TLN2: variants seen among roughly 807,000 people sequenced by gnomAD.
TLN2 encodes the protein talin-2.
In TLN2, 118 loss-of-function variants were observed where a neutral mutation model predicts 294.7. The observed-to-expected ratio is 0.40, with a 90% CI of 0.34 to 0.47. The LOEUF (loss-of-function observed/expected upper bound fraction) is 0.47. Ranked by LOEUF, TLN2 falls within the 20% of genes least tolerant of loss-of-function variation. The pLI, the probability that TLN2 is intolerant of heterozygous loss-of-function variation, is 0.84. For missense variants in TLN2, 3,083 were observed against 3,282.2 expected (o/e 0.94, Z 1.48); for synonymous variants, 1,431 against 1,304.5 (o/e 1.10, Z -2.09).
At chr15:62,601,279 C>A (rs111925167) in intron 2 of TLN2, among the ~76,000 whole-genome samples, 70 of 152,242 alleles carry the variant, frequency 4.6e-4, no homozygotes, top group African/African-American at 1.6e-3. Flanking sequence ...CATGGGATAC[C>A]CCCACAACAA....
intron 28 of TLN2, among the ~76,000 whole-genome samples, chr15:62,736,245 G>T (rs1595833597): frequency 6.6e-6 from 1 of 151,930 alleles, no homozygotes; most frequent in Non-Finnish European, 1.5e-5. Flanking sequence ...GCGTGAACCT[G>T]GGAGGCAGAG....
At chr15:62,471,575 C>G (rs998627428) in intron 1 of TLN2, among the ~76,000 whole-genome samples, 1 of 152,188 alleles carries the variant, frequency 6.6e-6, no homozygotes, top group African/African-American at 2.4e-5. Flanking sequence ...TCATACTGCT[C>G]TAGGATTTTC....
intron 1 of TLN2, among the ~76,000 whole-genome samples, chr15:62,560,605 C>T (rs1202541427): frequency 3.9e-5 from 6 of 152,214 alleles, no homozygotes; most frequent in Non-Finnish European, 8.8e-5. Flanking sequence ...GGATTACAGG[C>T]GTGAGCCATC....
chr15:62,504,105 C>CT (rs1312395098), intron 1 of TLN2, among the ~76,000 whole-genome samples: 2 of 152,220 alleles, frequency 1.3e-5, no homozygotes, highest in Non-Finnish European at 2.9e-5. Context: ...TTTCCAGCAA[C>CT]TCCTCCCTTC....
At chr15:62,639,284 T>C (rs2050733707) in intron 3 of TLN2, among the ~76,000 whole-genome samples, 1 of 152,138 alleles carries the variant, frequency 6.6e-6, no homozygotes, top group African/African-American at 2.4e-5. Context: ...TCTATCTTAT[T>C]GCTGCTATAT....
chr15:62,731,163 T>C (rs1266242937), intron 28 of TLN2, among the ~76,000 whole-genome samples: 4 of 152,228 alleles, frequency 2.6e-5, no homozygotes, highest in Non-Finnish European at 1.5e-5. Flanking sequence ...AGTTTGTGTC[T>C]CTGCTGGAAT....
At chr15:62,763,478 A>T in intron 39 of TLN2, 85 bp from the exon 40 acceptor site, 1 of 1,494,990 alleles carries the variant, frequency 6.7e-7, no homozygotes, top group Non-Finnish European at 8.9e-7. Context: ...GGAAGTGGAC[A>T]GGGATCCTGG....
intron 36 of TLN2, 175 bp from the exon 37 acceptor site, chr15:62,755,357 A>C: frequency 1.4e-6 from 1 of 713,236 alleles, no homozygotes; most frequent in South Asian, 2.3e-5. Flanking sequence ...TCTGTGCTTA[A>C]GATTTCTTGC....
chr15:62,753,385 A>T (rs760111407), intron 35 of TLN2, among the ~76,000 whole-genome samples: 1 of 152,062 alleles, frequency 6.6e-6, no homozygotes, highest in Non-Finnish European at 1.5e-5. Context: ...GCATGCACCC[A>T]CTGTTTTGTG....
intron 32 of TLN2, among the ~76,000 whole-genome samples, chr15:62,741,096 A>G (rs1011471042): frequency 6.6e-6 from 1 of 152,242 alleles, no homozygotes; most frequent in Non-Finnish European, 1.5e-5. Context: ...TGATTATAAA[A>G]TAGTATATAT....
At chr15:62,410,206 C>T (rs1292639633) in intron 1 of TLN2, among the ~76,000 whole-genome samples, 1 of 151,570 alleles carries the variant, frequency 6.6e-6, no homozygotes, top group African/African-American at 2.4e-5. Flanking sequence ...CACGCCATTG[C>T]ACTCCACCTT....
intron 52 of TLN2, among the ~76,000 whole-genome samples, chr15:62,815,443 A>T (rs2067038755): frequency 6.6e-6 from 1 of 152,228 alleles, no homozygotes; most frequent in South Asian, 2.1e-4. Context: ...AGCTGAAGAA[A>T]GGTCAGATAA....
chr15:62,798,542 A>C (rs1158083293), intron 48 of TLN2, among the ~76,000 whole-genome samples: 2 of 151,930 alleles, frequency 1.3e-5, no homozygotes, highest in African/African-American at 2.4e-5. Flanking sequence ...AAATTTAAAA[A>C]ACAAAAACAA....
chr15:62,391,373 G>T (rs1349119896), intron 1 of TLN2, among the ~76,000 whole-genome samples: 2 of 152,254 alleles, frequency 1.3e-5, no homozygotes, highest in Non-Finnish European at 2.9e-5. Context: ...GCCAGGCTTT[G>T]CATCCAGTGC....
At chr15:62,395,933 T>C (rs1374371857) in intron 1 of TLN2, among the ~76,000 whole-genome samples, 2 of 152,138 alleles carry the variant, frequency 1.3e-5, no homozygotes, top group Non-Finnish European at 2.9e-5. Context: ...TCTCCTGGGT[T>C]CAAGTGATTC....
Position 62,520,368 on chromosome 15 carries a change from A to G in TLN2, c.-237-69319A>G, listed in dbSNP as rs532333544. 7.9e-5 allele frequency among the ~76,000 whole-genome samples: 12 copies of G among 152,316 alleles called. No individual in the cohort carries two copies. The Middle Eastern group carries it at 0.01, about 130-fold the overall frequency. On this transcript the variant is annotated intron_variant, in intron 1 of 58. Coordinates refer to ENST00000636159, the MANE Select transcript of TLN2 (RefSeq NM_015059.3). ...TGGAAAATGGCACATTTCCATCTCCATGCTTCTTAGAAGAGCCTGCAATTT... is the reference window on the plus strand; with the variant it reads ...TGGAAAATGGCACATTTCCATCTCCGTGCTTCTTAGAAGAGCCTGCAATTT...
intron 2 of TLN2, among the ~76,000 whole-genome samples, chr15:62,606,644 C>T (rs2047472407): frequency 6.6e-6 from 1 of 152,148 alleles, no homozygotes; most frequent in Admixed American, 6.5e-5. Flanking sequence ...GACTTCCTAA[C>T]CACCAGACAC....
intron 1 of TLN2, among the ~76,000 whole-genome samples, chr15:62,458,325 T>C (rs2036598178): frequency 6.6e-6 from 1 of 152,116 alleles, no homozygotes; most frequent in African/African-American, 2.4e-5. Context: ...TTCCTTGAGA[T>C]GGGTGTTAGA....
intron 1 of TLN2, among the ~76,000 whole-genome samples, chr15:62,526,134 T>G (rs2040725967): frequency 6.6e-6 from 1 of 152,164 alleles, no homozygotes; most frequent in African/African-American, 2.4e-5. Flanking sequence ...AAAATAATTA[T>G]TTCCTTTTTA....
Sources: gnomAD v4.1 joint callset for allele counts (sites outside exome capture counted in the v4.1 genomes callset) on GRCh38, gnomAD v4.1.1 for gene constraint, MANE v1.5 for transcripts, NCBI Gene and HGNC (gene_info 2026-07-23, HGNC 2026-07-21) for gene names.